The following GPM6A variants were observed in gnomAD, a reference collection of about 807,000 sequenced individuals.
The protein encoded by GPM6A is neuronal membrane glycoprotein M6-a.
A neutral mutation model predicts 32.1 loss-of-function variants in GPM6A; 7 were observed. That is an observed-to-expected ratio of 0.22 (90% CI 0.12 to 0.41). The LOEUF (loss-of-function observed/expected upper bound fraction) is 0.41. Among genes scored for constraint, GPM6A ranks in the 10% least tolerant of loss-of-function variants. GPM6A has a pLI of 1.00. For missense variants in GPM6A, 235 were observed against 347.2 expected, an observed-to-expected ratio of 0.68 and a Z score of 2.57; for synonymous variants, 130 against 123.4, an observed-to-expected ratio of 1.05 and a Z score of -0.35.
intron 1 of GPM6A, among the ~76,000 whole-genome samples, chr4:175,704,891 A>G (rs905510543): frequency 1.3e-5 from 2 of 152,238 alleles, no homozygotes; most frequent in Non-Finnish European, 2.9e-5. Context: ...TTAATAACTG[A>G]GCAAAGACAA....
chr4:175,871,194 C>T (rs1246014734), intron 1 of GPM6A, among the ~76,000 whole-genome samples: 3 of 152,058 alleles, frequency 2.0e-5, no homozygotes, highest in Non-Finnish European at 2.9e-5. Flanking sequence ...GTCTGCCAGG[C>T]GCAGTGGCTC....
At chr4:175,749,835 CTG>C (rs1732251293) in intron 1 of GPM6A, among the ~76,000 whole-genome samples, 1 of 152,142 alleles carries the variant, frequency 6.6e-6, no homozygotes. Context: ...TTCCCCACAA[CTG>C]ATAGGCCAGC....
chr4:175,688,076 C>T (rs1359746052), intron 2 of GPM6A, among the ~76,000 whole-genome samples: 2 of 151,994 alleles, frequency 1.3e-5, no homozygotes, highest in East Asian at 3.9e-4. Flanking sequence ...GTAGGAGTTA[C>T]TTATATTTTT....
At chr4:175,809,935 G>A (rs2111326852) in intron 1 of GPM6A, among the ~76,000 whole-genome samples, 1 of 152,220 alleles carries the variant, frequency 6.6e-6, no homozygotes, top group Admixed American at 6.5e-5. Context: ...CATGTAACAG[G>A]AAAGACAAGG....
chr4:175,986,834 A>G (rs1740991633), intron 1 of GPM6A, among the ~76,000 whole-genome samples: 1 of 152,188 alleles, frequency 6.6e-6, no homozygotes, highest in African/African-American at 2.4e-5. Context: ...TTGTTGATCA[A>G]TGCACATCTC....
At chr4:175,650,157 T>A (rs1741698473) in intron 4 of GPM6A, among the ~76,000 whole-genome samples, 1 of 152,112 alleles carries the variant, frequency 6.6e-6, no homozygotes, top group African/African-American at 2.4e-5. Flanking sequence ...ATTATTCTGC[T>A]TTTCCCCCCG....
chr4:175,979,417 A>G (rs538852679), intron 1 of GPM6A, among the ~76,000 whole-genome samples: 9 of 152,298 alleles, frequency 5.9e-5, no homozygotes, highest in Non-Finnish European at 1.3e-4. Context: ...GTAAATATCA[A>G]TCATACTAAA....
At chr4:175,671,343 C>T (rs955280459) in intron 3 of GPM6A, among the ~76,000 whole-genome samples, 84 of 151,154 alleles carry the variant, frequency 5.6e-4, no homozygotes, top group Middle Eastern at 3.4e-3. Flanking sequence ...TTCAGTGTTC[C>T]AACTAGAGCT....
chr4:175,903,869 C>T (rs192175199), intron 1 of GPM6A, among the ~76,000 whole-genome samples: 1 of 151,964 alleles, frequency 6.6e-6, no homozygotes, highest in South Asian at 2.1e-4. Flanking sequence ...CCAGCCAAAG[C>T]GAATATGGAC....
chr4:175,994,326 T>C (rs1211793129), intron 1 of GPM6A, among the ~76,000 whole-genome samples: 1 of 152,192 alleles, frequency 6.6e-6, no homozygotes, highest in Non-Finnish European at 1.5e-5. Flanking sequence ...AGGTAGCTCT[T>C]GGTAATATTA....
intron 1 of GPM6A, among the ~76,000 whole-genome samples, chr4:175,727,173 G>A (rs932990737): frequency 1.3e-4 from 19 of 151,960 alleles, no homozygotes; most frequent in South Asian, 6.2e-4. Flanking sequence ...TTATGTCATC[G>A]GTATTACCAA....
chr4:175,775,981 G>C (rs1024524227), intron 1 of GPM6A, among the ~76,000 whole-genome samples: 1 of 152,164 alleles, frequency 6.6e-6, no homozygotes, highest in East Asian at 1.9e-4. Context: ...AATTTCAAAA[G>C]ACACTAAATT....
intron 1 of GPM6A, among the ~76,000 whole-genome samples, chr4:175,944,142 G>A (rs1353490203): frequency 6.6e-6 from 1 of 152,070 alleles, no homozygotes; most frequent in Admixed American, 6.5e-5. Flanking sequence ...ATTTCTAGAA[G>A]CTTATTTTCA....
At chr4:175,774,091 T>G (rs1008169876) in intron 1 of GPM6A, among the ~76,000 whole-genome samples, 4 of 152,086 alleles carry the variant, frequency 2.6e-5, no homozygotes, top group South Asian at 4.1e-4. Flanking sequence ...CTAGTGTCCA[T>G]TAAGGTCAAT....
intron 1 of GPM6A, among the ~76,000 whole-genome samples, chr4:175,936,764 C>T (rs891863295): frequency 2.0e-5 from 3 of 151,890 alleles, no homozygotes; most frequent in Non-Finnish European, 4.4e-5. Context: ...AAGATAAGCA[C>T]AAGACTCAGA....
At chr4:175,689,029 T>C (rs1279569031) in intron 2 of GPM6A, among the ~76,000 whole-genome samples, 1 of 152,038 alleles carries the variant, frequency 6.6e-6, no homozygotes, top group African/African-American at 2.4e-5. Context: ...ATTATTCTAC[T>C]TTTTTTGTAG....
At chr4:175,959,461 G>T (rs1195168337) in intron 1 of GPM6A, among the ~76,000 whole-genome samples, 1 of 151,594 alleles carries the variant, frequency 6.6e-6, no homozygotes, top group Non-Finnish European at 1.5e-5. Flanking sequence ...CCCCACATAC[G>T]CACAGTTCAG....
intron 1 of GPM6A, among the ~76,000 whole-genome samples, chr4:175,757,383 G>A (rs1207693490): frequency 6.6e-6 from 1 of 152,086 alleles, no homozygotes; most frequent in Non-Finnish European, 1.5e-5. Flanking sequence ...GTCTCATTAA[G>A]GACCCCAATT....
At chr4:175,680,126 T>C (rs2111004065) in intron 2 of GPM6A, among the ~76,000 whole-genome samples, 1 of 152,348 alleles carries the variant, frequency 6.6e-6, no homozygotes, top group Middle Eastern at 3.4e-3. Context: ...AACATATCTA[T>C]ATATGTGTAC....
Sources: allele counts gnomAD v4.1 joint callset (sites outside exome capture counted in the v4.1 genomes callset), GRCh38; gene constraint gnomAD v4.1.1; transcripts MANE v1.5; gene names NCBI Gene and HGNC (gene_info 2026-07-23, HGNC 2026-07-21).